Variants in RBMS2 observed in about 807,000 individuals in gnomAD.
RBMS2 encodes the protein RNA-binding motif, single-stranded-interacting protein 2.
RBMS2 carries 38 observed loss-of-function variants against 58.4 expected under a neutral mutation model. That is an observed-to-expected ratio of 0.65 (90% confidence interval 0.50 to 0.85). RBMS2 has a LOEUF of 0.85. RBMS2 is among the 40% of genes least tolerant of loss of function. The pLI is 0.00. For missense variants in RBMS2, 367 were observed against 503.7 expected, an observed-to-expected ratio of 0.73 and a Z score of 2.60; for synonymous variants, 151 against 180.7, an observed-to-expected ratio of 0.84 and a Z score of 1.32.
intron 9 of RBMS2, among the ~76,000 whole-genome samples, chr12:56,583,752 T>C (rs1249462073): frequency 6.6e-6 from 1 of 152,258 alleles, no homozygotes. Flanking sequence ...TTTAACCATT[T>C]CATTTGTCAT....
chr12:56,536,061 C>T (rs1362846650), intron 1 of RBMS2, among the ~76,000 whole-genome samples: 6 of 151,560 alleles, frequency 4.0e-5, no homozygotes, highest in African/African-American at 4.9e-5. Flanking sequence ...ATTAGCTGGG[C>T]GTGGTGGCGC....
At position 56,581,250 on chromosome 12, in the gene RBMS2, C is replaced by G; in HGVS notation, c.609C>G (p.Pro203=). The part of the protein sequence containing the change: ...THFNGKYIKT[P]PGVPAPSDPL... ...TTAATGGAAAATATATTAAGACACC[C>G]CCTGGAGTACCAGGTGAGGCATCTG... Residue 203 remains proline (P), a synonymous_variant, in exon 6 of 14, where the codon CCC becomes CCG. Coordinates refer to ENST00000262031, the MANE Select transcript of RBMS2 (RefSeq NM_002898.4). 3 of 1,604,260 alleles carry G rather than the reference C, an allele frequency of 1.9e-6. No homozygotes were observed. The highest frequency in any genetic ancestry group is 2.6e-6 in the Non-Finnish European group (3 of 1,171,058).
intron 1 of RBMS2, among the ~76,000 whole-genome samples, chr12:56,555,835 C>T (rs2136373898): frequency 1.3e-5 from 2 of 152,156 alleles, no homozygotes; most frequent in East Asian, 1.9e-4. Flanking sequence ...AAACAGTCCC[C>T]TCACTCAGCC....
chr12:56,521,500 C>CTTTTTTTTTTTTTTT (rs1871713749), upstream of RBMS2, among the ~76,000 whole-genome samples: 1 of 92,470 alleles, frequency 1.1e-5, no homozygotes, highest in African/African-American at 4.7e-5. Flanking sequence ...CACTCTAACT[C>CTTTTTTTTTTTTTTT]TGTTTTTTTT....
At chr12:56,525,328 T>C (rs953180089) in intron 1 of RBMS2, among the ~76,000 whole-genome samples, 1 of 151,672 alleles carries the variant, frequency 6.6e-6, no homozygotes, top group Non-Finnish European at 1.5e-5. Flanking sequence ...TTCAAGCGAT[T>C]CTCCCGCCTC....
At chr12:56,550,420 C>T (rs1261359374) in intron 1 of RBMS2, among the ~76,000 whole-genome samples, 2 of 152,006 alleles carry the variant, frequency 1.3e-5, no homozygotes, top group Admixed American at 6.6e-5. Context: ...GTCTCAGTTA[C>T]TCAGGAGGCT....
At chr12:56,531,426 T>C (rs1488065866) in intron 1 of RBMS2, among the ~76,000 whole-genome samples, 5 of 152,206 alleles carry the variant, frequency 3.3e-5, no homozygotes, top group Non-Finnish European at 5.9e-5. Context: ...TATTTTTAAG[T>C]AATTATTTAT....
chr12:56,545,680 C>T (rs2136321040), intron 1 of RBMS2, among the ~76,000 whole-genome samples: 1 of 152,274 alleles, frequency 6.6e-6, no homozygotes, highest in East Asian at 1.9e-4. Context: ...AATCATGCAA[C>T]ATGTGGTCCT....
chr12:56,585,042 C>T (rs1481147346), intron 9 of RBMS2, among the ~76,000 whole-genome samples: 1 of 152,078 alleles, frequency 6.6e-6, no homozygotes, highest in Non-Finnish European at 1.5e-5. Context: ...AGGCTGGTCT[C>T]AAACTCCCAA....
chr12:56,522,301 C>T (rs950876267), intron 1 of RBMS2, among the ~76,000 whole-genome samples: 5 of 151,992 alleles, frequency 3.3e-5, no homozygotes, highest in African/African-American at 4.8e-5. Context: ...TCTGCGAGGC[C>T]TGAAAAGACA....
rs755327244 is a variant in RBMS2, at chr12:56,571,815, C to T, written c.502C>T (p.Arg168Ter). The change falls in exon 5 of 14, where the codon CGA becomes TGA. Residue 168 changes from arginine (R) to a stop codon, truncating the protein, a stop_gained. Transcript: ENST00000262031. LOFTEE classifies it high-confidence loss of function. ...FGQVISTRIL[R>*]DTSGTSRGVG... Reference sequence around the variant, plus strand: ...CCAGGTTATCTCCACCCGTATCCTTCGAGATACCAGTGGGACCAGCAGAGG... The same window carrying T: ...CCAGGTTATCTCCACCCGTATCCTTTGAGATACCAGTGGGACCAGCAGAGG... 3.1e-6 allele frequency: 5 copies of T among 1,591,878 alleles called. No individual in the cohort carries two copies. Among genetic ancestry groups the T allele is most frequent in the African/African-American group, 1.3e-5 (1 of 74,152 alleles).
intron 1 of RBMS2, among the ~76,000 whole-genome samples, chr12:56,553,488 C>T (rs1301277729): frequency 1.3e-5 from 2 of 151,870 alleles, no homozygotes; most frequent in Non-Finnish European, 2.9e-5. Context: ...CCACCAAGTC[C>T]GGCTAATTTT....
intron 1 of RBMS2, among the ~76,000 whole-genome samples, chr12:56,552,703 G>A (rs1166130815): frequency 1.3e-5 from 2 of 151,772 alleles, no homozygotes; most frequent in African/African-American, 4.8e-5. Context: ...ATTAAAAAAT[G>A]TAGTGGCAAG....
chr12:56,537,878 C>T (rs540041257), intron 1 of RBMS2, among the ~76,000 whole-genome samples: 7 of 148,288 alleles, frequency 4.7e-5, no homozygotes, highest in African/African-American at 1.7e-4. Flanking sequence ...AAGTAGCCAT[C>T]CTGATGGGTG....
intron 1 of RBMS2, among the ~76,000 whole-genome samples, chr12:56,539,038 CAG>C (rs1430337369): frequency 7.2e-6 from 1 of 139,286 alleles, no homozygotes; most frequent in Non-Finnish European, 1.5e-5. Context: ...TTTTTTGAGA[CAG>C]AGTCTTGCTC....
rs1411696006 is a variant in RBMS2 at position 56,592,292 on chromosome 12, TTC to T, written c.*3161_*3162del. The T allele has an allele frequency of 6.6e-6, 1 of 152,222 alleles. No homozygotes were observed. Among genetic ancestry groups the T allele is most frequent in the African/African-American group, 2.4e-5 (1 of 41,450 alleles). 9.4% of individuals were successfully genotyped at this position (152,222 alleles called of 1,614,324 possible). On this transcript the variant is annotated 3_prime_UTR_variant, in exon 14 of 14. Coordinates refer to ENST00000262031, the MANE Select transcript of RBMS2 (RefSeq NM_002898.4). ...TAAAATATTTTAGTACTTGGCATTT[TTC>T]TGTTTTCAGTCAGCTAGAACACACT...
Position 56,595,529 on chromosome 12 carries a change from C to A in RBMS2, c.*6396C>A, listed in dbSNP as rs1411639909. ...ACCCCTGGTCTTTTCCTTGTCCTTC[C>A]CTACAACTTGGTAGAGGTCCATTTT... On this transcript the variant is annotated 3_prime_UTR_variant, in exon 14 of 14. Coordinates refer to ENST00000262031, the MANE Select transcript of RBMS2 (RefSeq NM_002898.4). 1 of 152,134 alleles carries A rather than the reference C, an allele frequency of 6.6e-6. No individual in the cohort carries two copies. Among genetic ancestry groups the A allele is most frequent in the Non-Finnish European group, 1.5e-5 (1 of 68,022 alleles). The allele number at this position is 152,134 out of a possible 1,614,324, so 9.4% of individuals were successfully genotyped here.
intron 2 of RBMS2, among the ~76,000 whole-genome samples, chr12:56,564,124 T>C (rs538370673): frequency 3.6e-4 from 55 of 152,130 alleles, no homozygotes; most frequent in African/African-American, 1.1e-3. Flanking sequence ...ATTTTTGTTT[T>C]TTTTTTTGCT....
chr12:56,525,368 T>C (rs951908906), intron 1 of RBMS2, among the ~76,000 whole-genome samples: 1 of 150,870 alleles, frequency 6.6e-6, no homozygotes, highest in South Asian at 2.1e-4. Context: ...ACTACAGGTG[T>C]GCGCCACCAG....
Sources: allele counts gnomAD v4.1 joint callset (sites outside exome capture counted in the v4.1 genomes callset), GRCh38; gene constraint gnomAD v4.1.1; transcripts MANE v1.5; gene names NCBI Gene and HGNC (gene_info 2026-07-23, HGNC 2026-07-21).